The following RALGAPA2 variants were observed in gnomAD, a reference collection of about 807,000 sequenced individuals.
RALGAPA2 encodes ral GTPase-activating protein subunit alpha-2.
A neutral mutation model predicts 230.4 loss-of-function variants in RALGAPA2; 139 were observed. The ratio of observed to expected loss-of-function variants is 0.60; its 90% CI spans 0.53 to 0.69. The LOEUF (loss-of-function observed/expected upper bound fraction) is 0.69. Ranked by LOEUF, RALGAPA2 falls within the 30% of genes least tolerant of loss-of-function variation. The pLI, the probability that RALGAPA2 is intolerant of heterozygous loss-of-function variation, is 0.00. For synonymous variants in RALGAPA2, 847 were observed against 837.8 expected (o/e 1.01, Z -0.19); for missense variants, 2,163 against 2,276.0 (o/e 0.95, Z 1.01).
intron 37 of RALGAPA2, among the ~76,000 whole-genome samples, chr20:20,432,095 G>T (rs2060514377): frequency 6.6e-6 from 1 of 152,144 alleles, no homozygotes; most frequent in Admixed American, 6.5e-5. Context: ...AAACAGTAAG[G>T]ACTGTGAAAT....
chr20:20,585,863 G>A (rs1194028048), intron 18 of RALGAPA2, among the ~76,000 whole-genome samples: 1 of 151,860 alleles, frequency 6.6e-6, no homozygotes, highest in African/African-American at 2.4e-5. Context: ...ACAAGATGTA[G>A]AGTTAAAAGA....
chr20:20,568,297 C>T (rs977864057), intron 23 of RALGAPA2, among the ~76,000 whole-genome samples: 2 of 152,168 alleles, frequency 1.3e-5, no homozygotes, highest in Admixed American at 6.5e-5. Flanking sequence ...ACCCATGTTA[C>T]ATATGTACCG....
chr20:20,447,448 A>G (rs891832553), intron 37 of RALGAPA2, among the ~76,000 whole-genome samples: 1 of 152,204 alleles, frequency 6.6e-6, no homozygotes, highest in African/African-American at 2.4e-5. Context: ...AGAGCTCAAC[A>G]GCAAGGGGCT....
At chr20:20,542,826 A>G (rs2063683907) in intron 24 of RALGAPA2, among the ~76,000 whole-genome samples, 1 of 152,194 alleles carries the variant, frequency 6.6e-6, no homozygotes, top group Non-Finnish European at 1.5e-5. Context: ...AACCTAGGCA[A>G]CACCATTCAG....
At position 20,560,110 on chromosome 20, in the gene RALGAPA2, T is replaced by G. The variant is rs6137058; in HGVS notation, c.3156+11348A>C. ...AGGGGAAGGGAAAGCTACTCATAGC[T>G]AAGAGTGAGGCCACCAAGAGCACAG... On this transcript the variant is annotated intron_variant, in intron 23 of 39. Coordinates refer to ENST00000202677, the MANE Select transcript of RALGAPA2 (RefSeq NM_020343.4). Among the ~76,000 whole-genome samples, 436 of 152,182 alleles carry G rather than the reference T, an allele frequency of 2.9e-3. 4 individuals are homozygous for G. The highest frequency in any genetic ancestry group is 0.01 in the East Asian group (54 of 5,180).
intron 27 of RALGAPA2, among the ~76,000 whole-genome samples, chr20:20,527,370 G>A (rs1405623571): frequency 6.6e-6 from 1 of 152,102 alleles, no homozygotes; most frequent in African/African-American, 2.4e-5. Context: ...GCTCTTCACA[G>A]CCTTCTCTGG....
At chr20:20,407,262 T>C (rs1399858522) in intron 38 of RALGAPA2, among the ~76,000 whole-genome samples, 4 of 152,214 alleles carry the variant, frequency 2.6e-5, no homozygotes, top group African/African-American at 9.7e-5. Context: ...AGAAGCACTA[T>C]TAATTAAAAC....
chr20:20,600,222 G>T (rs1168467208), intron 16 of RALGAPA2, among the ~76,000 whole-genome samples: 1 of 152,164 alleles, frequency 6.6e-6, no homozygotes, highest in African/African-American at 2.4e-5. Flanking sequence ...CTTGAACCTG[G>T]GAGGCAGAGG....
rs1051427280 is a variant in RALGAPA2 at position 20,606,844 on chromosome 20, G to A, written c.1801-1432C>T. Among the ~76,000 whole-genome samples the A allele has an allele frequency of 2.6e-5, 4 of 152,056 alleles. No homozygotes were observed. In the East Asian group the frequency reaches 7.7e-4, roughly 29 times the overall value. On this transcript the variant is annotated intron_variant, in intron 14 of 39. Coordinates refer to ENST00000202677, the MANE Select transcript of RALGAPA2 (RefSeq NM_020343.4). Reference sequence around the variant, plus strand: ...CTGGATATTTCCTTCCCATAAAATTGCCCCATTCCTTACCTCTGCCAAAAT... The same window carrying A: ...CTGGATATTTCCTTCCCATAAAATTACCCCATTCCTTACCTCTGCCAAAAT...
Position 20,489,355 on chromosome 20 carries a change from T to C in RALGAPA2, c.5367+5762A>G, listed in dbSNP as rs924191789. On this transcript the variant is annotated intron_variant, in intron 36 of 39. Coordinates refer to ENST00000202677, the MANE Select transcript of RALGAPA2 (RefSeq NM_020343.4). ...AACAGGAAAATTAAGAATCTACTCA[T>C]AGTCTAAGATCATTCGTGTTGCCAG... 3.3e-5 allele frequency among the ~76,000 whole-genome samples: 5 copies of C among 152,270 alleles called. No homozygotes were observed. The East Asian group carries it at 7.7e-4, about 23-fold the overall frequency.
Position 20,571,932 on chromosome 20 carries a change from T to C in RALGAPA2, c.2916A>G (p.Leu972=), listed in dbSNP as rs756595814. 2.9e-5 allele frequency: 47 copies of C among 1,606,514 alleles called. 1 individual carries two copies. In the South Asian group the frequency reaches 5.1e-4, roughly 18 times the overall value. The change falls in exon 22 of 40, where the codon CTA becomes CTG. Residue 972 remains leucine, a synonymous_variant. Coordinates refer to ENST00000202677, the MANE Select transcript of RALGAPA2 (RefSeq NM_020343.4). ...WYKLAKIRDN[L]AISLDNQSSP... ...AAGACTGGTTATCCAGGCTTATTGC[T>C]AGATTATCCCGTATCTAATTCACAA...
intron 3 of RALGAPA2, 47 bp from the exon 4 acceptor site, chr20:20,653,634 C>T: frequency 1.7e-6 from 2 of 1,166,552 alleles, no homozygotes; most frequent in South Asian, 1.4e-5. Flanking sequence ...TGAAATTACA[C>T]ATTTTCATGA....
chr20:20,393,678 T>A (rs1406104305), intron 39 of RALGAPA2, among the ~76,000 whole-genome samples: 1 of 152,218 alleles, frequency 6.6e-6, no homozygotes, highest in Admixed American at 6.5e-5. Context: ...CGTGTTTACA[T>A]ATCGATATTC....
chr20:20,581,084 T>C (rs1248585854), intron 20 of RALGAPA2, among the ~76,000 whole-genome samples: 6 of 152,180 alleles, frequency 3.9e-5, no homozygotes, highest in Non-Finnish European at 5.9e-5. Flanking sequence ...TTGAACTGCG[T>C]GTACTGATTC....
At chr20:20,451,520 T>C (rs2060988771) in intron 37 of RALGAPA2, among the ~76,000 whole-genome samples, 1 of 152,216 alleles carries the variant, frequency 6.6e-6, no homozygotes, top group Non-Finnish European at 1.5e-5. Context: ...TACTGATCCA[T>C]AATTAGAAAC....
At chr20:20,593,144 C>G (rs184374298) in intron 16 of RALGAPA2, among the ~76,000 whole-genome samples, 102 of 152,318 alleles carry the variant, frequency 6.7e-4, no homozygotes, top group African/African-American at 2.5e-3. Flanking sequence ...CTCAAGTAGT[C>G]CGCCCACCTC....
At chr20:20,485,230 A>C (rs2061881714) in intron 36 of RALGAPA2, among the ~76,000 whole-genome samples, 1 of 152,114 alleles carries the variant, frequency 6.6e-6, no homozygotes. Flanking sequence ...TCTGCTATGT[A>C]ATGTCCCCTG....
intron 38 of RALGAPA2, among the ~76,000 whole-genome samples, chr20:20,403,713 T>C (rs1389688996): frequency 1.3e-5 from 2 of 152,190 alleles, no homozygotes; most frequent in East Asian, 1.9e-4. Flanking sequence ...ACCCTAGGGA[T>C]GTAGCTAGGG....
At position 20,614,065 on chromosome 20, in the gene RALGAPA2, GA is replaced by G. The variant is rs74659030; in HGVS notation, c.1688+1977del. On this transcript the variant is annotated intron_variant, in intron 13 of 39. Transcript: ENST00000202677. ...CTCGATAGTTATTTATTAGATGGAA[GA>G]AAAGGAGGTAAGGAGAGAGGGGAGA... Among the ~76,000 whole-genome samples the G allele has an allele frequency of 5.3e-5, 8 of 152,306 alleles. No individual in the cohort carries two copies. In the East Asian group the frequency reaches 1.5e-3, roughly 29 times the overall value.
Sources: gnomAD v4.1 joint callset for allele counts (sites outside exome capture counted in the v4.1 genomes callset) on GRCh38, gnomAD v4.1.1 for gene constraint, MANE v1.5 for transcripts, NCBI Gene and HGNC (gene_info 2026-07-23, HGNC 2026-07-21) for gene names.